The following SNAP47 variants were observed in gnomAD, a reference collection of about 807,000 sequenced individuals.
SNAP47 encodes the protein synaptosome associated protein 47.
Under a neutral mutation model 31.4 loss-of-function variants are expected in SNAP47, and 20 were observed. The ratio of observed to expected loss-of-function variants is 0.64; its 90% CI spans 0.45 to 0.93. The LOEUF (loss-of-function observed/expected upper bound fraction) is 0.93, where lower values mean the gene tolerates loss of function less well. Ranked by LOEUF, SNAP47 falls within the 40% of genes least tolerant of loss-of-function variation. SNAP47 has a pLI of 0.00. For missense variants in SNAP47, 492 were observed against 528.5 expected, an observed-to-expected ratio of 0.93 and a Z score of 0.68; for synonymous variants, 194 against 213.4, an observed-to-expected ratio of 0.91 and a Z score of 0.79.
upstream of SNAP47, chr1:227,733,222 A>G: frequency 5.9e-6 from 5 of 847,088 alleles, no homozygotes; most frequent in South Asian, 7.2e-5. Flanking sequence ...GTGAACCCAG[A>G]GCAAGTAGAC....
In SNAP47 at chr1:227,759,364, G is replaced by A; in HGVS notation, c.867G>A (p.Glu289=). Residue 289 remains glutamate (E), a synonymous_variant, in exon 3 of 5, where the codon GAG becomes GAA. Coordinates refer to ENST00000617596, the MANE Select transcript of SNAP47 (RefSeq NM_053052.4). ...GTTTGATATCTGCCAAGATGCCAGA[G>A]GTTATCCCCATTTTAGAAGTGCAGT... is the stretch of plus-strand genomic sequence containing the variant. ...AYRLISAKMP[E]VIPILEVQFS... The A allele has an allele frequency of 6.2e-7, 1 of 1,614,234 alleles. No individual in the cohort carries two copies. The highest frequency in any genetic ancestry group is 8.5e-7 in the Non-Finnish European group (1 of 1,180,042).
intron 3 of SNAP47, 76 bp downstream of exon 3, chr1:227,759,561 A>G: frequency 1.3e-6 from 2 of 1,548,522 alleles, no homozygotes; most frequent in Non-Finnish European, 1.7e-6. Context: ...CCTGTGGGAA[A>G]TGCCTAACAG....
chr1:227,736,244 C>T (rs28549002), intron 1 of SNAP47: 1 of 152,426 alleles, frequency 6.6e-6, no homozygotes, highest in Non-Finnish European at 1.5e-5. Flanking sequence ...TGACGGGTGT[C>T]TGGAGAAGAT....
intron 4 of SNAP47, among the ~76,000 whole-genome samples, chr1:227,779,581 G>A (rs1664347316): frequency 6.6e-6 from 1 of 152,224 alleles, no homozygotes; most frequent in South Asian, 2.1e-4. Context: ...AACTTTCCCT[G>A]AAAGAGGACA....
At chr1:227,738,971 G>A (rs966427380) in intron 1 of SNAP47, among the ~76,000 whole-genome samples, 4 of 152,126 alleles carry the variant, frequency 2.6e-5, no homozygotes, top group Non-Finnish European at 5.9e-5. Flanking sequence ...GGTTTAGTTC[G>A]CTGGTCCGCA....
intron 4 of SNAP47, among the ~76,000 whole-genome samples, chr1:227,769,740 G>C (rs943767782): frequency 5.3e-5 from 8 of 152,148 alleles, no homozygotes; most frequent in African/African-American, 1.9e-4. Flanking sequence ...GTAGGAGGTG[G>C]ATTTGACAGA....
At chr1:227,767,565 TTGTGTGTGTATGCACA>T (rs1663508596) in intron 4 of SNAP47, among the ~76,000 whole-genome samples, 1 of 152,010 alleles carries the variant, frequency 6.6e-6, no homozygotes, top group Non-Finnish European at 1.5e-5. Context: ...GTTGTGTGTG[TTGTGTGTGTATGCACA>T]TGTGTGTGCT....
chr1:227,730,977 C>G (rs552876792), upstream of SNAP47: 1 of 152,324 alleles, frequency 6.6e-6, no homozygotes, highest in African/African-American at 2.4e-5. Context: ...GGGTGAGCCA[C>G]GCCCACACTC....
At chr1:227,734,881 G>C, upstream of SNAP47, 1 of 1,598,102 alleles carries the variant, frequency 6.3e-7, no homozygotes, top group Non-Finnish European at 8.6e-7. Context: ...ACCGTCTGCA[G>C]AGGAACTCTC....
In SNAP47 at chr1:227,741,937, A is replaced by T. The variant is rs1179257685; in HGVS notation, c.-45-5755A>T. Among the ~76,000 whole-genome samples the T allele has an allele frequency of 6.6e-6, 1 of 152,006 alleles. No homozygotes were observed. The highest frequency in any genetic ancestry group is 1.5e-5 in the Non-Finnish European group (1 of 67,982). On this transcript the variant is annotated intron_variant, in intron 1 of 4. Coordinates refer to ENST00000617596, the MANE Select transcript of SNAP47 (RefSeq NM_053052.4). The surrounding 1 kb of genome is among the most constrained non-coding windows in gnomAD (Gnocchi z 4.2). ...GTTGTCAAACTTGAATACTTTCCTT[A>T]TATTTATTGTTTAAAATGTGATAAT...
At chr1:227,775,923 C>G (rs1418879802) in intron 4 of SNAP47, 18 of 1,301,774 alleles carry the variant, frequency 1.4e-5, no homozygotes, top group Non-Finnish European at 1.4e-5. Flanking sequence ...ACAGCCTTTG[C>G]TCAGGGCATG....
rs1394603184 is a variant in SNAP47, at chr1:227,751,069, G to A, written c.497+2836G>A. 9.8e-5 allele frequency among the ~76,000 whole-genome samples: 15 copies of A among 152,308 alleles called. 1 individual carries two copies. In the South Asian group the frequency reaches 2.9e-3, roughly 29 times the overall value. ...GTAGTGGGTGACCCAAAGACTGGCC[G>A]AGCCAGAGAAACAAGAGTTCCACCC... On this transcript the variant is annotated intron_variant, in intron 2 of 4. Coordinates refer to ENST00000617596, the MANE Select transcript of SNAP47 (RefSeq NM_053052.4).
chr1:227,735,268 G>A, upstream of SNAP47: 2 of 1,606,030 alleles, frequency 1.2e-6, no homozygotes, highest in Non-Finnish European at 1.7e-6. Context: ...GCGTCTCGCG[G>A]TCCATCCAGC....
upstream of SNAP47, chr1:227,733,242 G>C (rs1189701694): frequency 5.8e-6 from 5 of 868,764 alleles, no homozygotes; most frequent in East Asian, 8.0e-5. Context: ...CCCAGGGACC[G>C]GCAGTGGGTG....
chr1:227,780,777 G>C lies in SNAP47; in HGVS notation c.*104G>C. 1 of 1,490,158 alleles carries C rather than the reference G, an allele frequency of 6.7e-7. No individual in the cohort carries two copies. Among genetic ancestry groups the C allele is most frequent in the South Asian group, 1.3e-5 (1 of 78,546 alleles). 92.3% of individuals were successfully genotyped at this position (1,490,158 alleles called of 1,614,324 possible). The stretch of plus-strand genomic sequence containing the variant: ...CAGAGGCCTGTGGCCCTCCGGAGTG[G>C]TCTTCCTCTGGATGGGGCTGCTACT... On this transcript the variant is annotated 3_prime_UTR_variant, in exon 5 of 5. Transcript: ENST00000617596.
At chr1:227,735,938 G>A (rs898330957) in intron 1 of SNAP47, among the ~76,000 whole-genome samples, 1 of 151,310 alleles carries the variant, frequency 6.6e-6, no homozygotes, top group South Asian at 2.1e-4. Context: ...GATGGGTACA[G>A]TGGGGACCTG....
intron 3 of SNAP47, among the ~76,000 whole-genome samples, chr1:227,766,171 G>T (rs1187283838): frequency 6.6e-6 from 1 of 152,190 alleles, no homozygotes; most frequent in Non-Finnish European, 1.5e-5. Context: ...CCACCTGCCT[G>T]CCTGCCCCAT....
upstream of SNAP47, chr1:227,730,655 G>A (rs751127370): frequency 3.9e-5 from 6 of 152,166 alleles, no homozygotes; most frequent in South Asian, 2.1e-4. Context: ...CAGGGCTCTC[G>A]GGAGCGTCTG....
chr1:227,764,842 TGTG>T (rs1199443783), intron 3 of SNAP47, among the ~76,000 whole-genome samples: 1 of 151,874 alleles, frequency 6.6e-6, no homozygotes, highest in East Asian at 1.9e-4. Context: ...AGGCGGAGGT[TGTG>T]GTGAGCCGCG....
Sources: gnomAD v4.1 joint callset for allele counts (sites outside exome capture counted in the v4.1 genomes callset) on GRCh38, gnomAD v4.1.1 for gene constraint, Gnocchi (gnomAD v3.1) non-coding constraint, MANE v1.5 for transcripts, NCBI Gene and HGNC (gene_info 2026-07-23, HGNC 2026-07-21) for gene names.